SLC4A5: variants seen among roughly 807,000 people sequenced by gnomAD.
The protein encoded by SLC4A5 is solute carrier family 4 member 5.
SLC4A5 carries 96 observed loss-of-function variants against 120.4 expected under a neutral mutation model. The observed-to-expected ratio is 0.80, with a 90% CI of 0.68 to 0.94. The LOEUF (loss-of-function observed/expected upper bound fraction) is 0.94. SLC4A5 is among the 40% of genes least tolerant of loss of function. The pLI is 0.00. For synonymous variants in SLC4A5, 550 were observed against 571.1 expected, an observed-to-expected ratio of 0.96 and a Z score of 0.53; for missense variants, 1,259 against 1,459.5, an observed-to-expected ratio of 0.86 and a Z score of 2.24.
exon 26 of SLC4A5, chr2:74,227,834 G>A (rs180817000): frequency 5.0e-6 from 8 of 1,611,770 alleles, no homozygotes; most frequent in East Asian, 2.2e-5. Context: ...GGGAGGCCAC[G>A]CCCATGTAGA....
chr2:74,264,990 A>C, intron 9 of SLC4A5, 114 bp downstream of exon 9: 1 of 1,206,142 alleles, frequency 8.3e-7, no homozygotes, highest in Admixed American at 2.2e-5. Context: ...TCTCTGCAGA[A>C]TCAGGTGTCA....
At chr2:74,229,103 G>GTTTTTT in intron 25 of SLC4A5, among the ~76,000 whole-genome samples, 1 of 2,582 alleles carries the variant, frequency 3.9e-4, no homozygotes, top group South Asian at 0.014. Context: ...TTAGATTTGA[G>GTTTTTT]CTTTTTTTTT....
At chr2:74,310,813 T>C (rs1327611392) in intron 6 of SLC4A5, among the ~76,000 whole-genome samples, 1 of 152,204 alleles carries the variant, frequency 6.6e-6, no homozygotes, top group Non-Finnish European at 1.5e-5. Flanking sequence ...GCTGACTTCA[T>C]GGGATTAGTT....
chr2:74,227,935 C>G (rs1694909610), intron 25 of SLC4A5, 57 bp from the exon 26 acceptor site: 2 of 1,390,238 alleles, frequency 1.4e-6, no homozygotes, highest in East Asian at 4.9e-5. Flanking sequence ...CTTGGCCACC[C>G]TGTTCTGGAT....
At chr2:74,238,719 A>G (rs941133635) in intron 21 of SLC4A5, among the ~76,000 whole-genome samples, 2 of 152,186 alleles carry the variant, frequency 1.3e-5, no homozygotes, top group Non-Finnish European at 2.9e-5. Flanking sequence ...TTGTAGATCT[A>G]ACATGAAAGG....
At chr2:74,313,398 G>T (rs1024340845) in intron 6 of SLC4A5, among the ~76,000 whole-genome samples, 1 of 152,144 alleles carries the variant, frequency 6.6e-6, no homozygotes, top group Non-Finnish European at 1.5e-5. Flanking sequence ...AGTTGAATAT[G>T]CTTTAGAGAG....
intron 7 of SLC4A5, chr2:74,290,658 AAG>A (rs1030612954): frequency 4.9e-4 from 419 of 849,268 alleles, no homozygotes; most frequent in South Asian, 1.2e-3. Flanking sequence ...AGAAGTGAGC[AAG>A]AGAGAGAGAG....
At position 74,290,835 on chromosome 2, in the gene SLC4A5, T is replaced by G. The variant is rs949711716; in HGVS notation, c.272-4933A>C. On this transcript the variant is annotated intron_variant, in intron 7 of 30. Coordinates refer to ENST00000394019, the Ensembl canonical transcript of SLC4A5. ...AACTGCCCCTTTACCCCCTTCCCCA[T>G]GAGTGCTTCCTATGTGCCTGTGGTC... The G allele has an allele frequency of 1.0e-5, 9 of 868,456 alleles. No homozygotes were observed. In the Admixed American group the frequency reaches 3.1e-4, roughly 30 times the overall value. The allele number at this position is 868,456 out of a possible 1,614,324, so 53.8% of individuals were successfully genotyped here. A position where few individuals can be genotyped will look rare whatever the true frequency, so the allele number is the denominator to read the frequency against.
intron 29 of SLC4A5, among the ~76,000 whole-genome samples, chr2:74,221,768 C>T (rs1476964132): frequency 2.6e-5 from 4 of 152,044 alleles, no homozygotes; most frequent in Admixed American, 2.6e-4. Context: ...AACTCAAGAT[C>T]TTGAGGTACC....
At chr2:74,240,041 T>TTATA (rs142456944) in intron 20 of SLC4A5, among the ~76,000 whole-genome samples, 111 of 145,384 alleles carry the variant, frequency 7.6e-4, no homozygotes, top group East Asian at 2.4e-3. Flanking sequence ...ATATATAAAT[T>TTATA]TATATATATA....
At chr2:74,253,243 A>G (rs1353954465) in intron 14 of SLC4A5, 115 bp from the exon 15 acceptor site, 6 of 1,254,490 alleles carry the variant, frequency 4.8e-6, no homozygotes, top group African/African-American at 1.5e-5. Context: ...CCCACTGCCA[A>G]CTCACTCTCA....
At chr2:74,223,387 G>A (rs1480800150) in intron 28 of SLC4A5, among the ~76,000 whole-genome samples, 1 of 152,168 alleles carries the variant, frequency 6.6e-6, no homozygotes, top group Non-Finnish European at 1.5e-5. Context: ...AAACAGTTAG[G>A]GGATGCTGCA....
chr2:74,264,172 G>A (rs781407756), exon 10 of SLC4A5: 1 of 1,614,110 alleles, frequency 6.2e-7, no homozygotes. Context: ...ACTTCCCAAT[G>A]TCAGCTAAGG....
At chr2:74,229,236 G>A (rs148295120) in intron 25 of SLC4A5, among the ~76,000 whole-genome samples, 134 of 144,148 alleles carry the variant, frequency 9.3e-4, no homozygotes, top group African/African-American at 3.4e-3. Flanking sequence ...ATGCCTGGCC[G>A]ATTCGAAGGT....
At chr2:74,290,443 G>C (rs1202851276) in intron 7 of SLC4A5, 2 of 985,496 alleles carry the variant, frequency 2.0e-6, no homozygotes, top group African/African-American at 3.5e-5. Flanking sequence ...GAAAAAGAGA[G>C]AGAGAAAAGG....
chr2:74,269,740 T>A (rs1671416241), intron 8 of SLC4A5, among the ~76,000 whole-genome samples: 1 of 152,178 alleles, frequency 6.6e-6, no homozygotes, highest in African/African-American at 2.4e-5. Context: ...TGGGGCCAGT[T>A]GAGTGGGTTG....
At chr2:74,225,975 T>G (rs572741557) in intron 27 of SLC4A5, among the ~76,000 whole-genome samples, 1 of 152,044 alleles carries the variant, frequency 6.6e-6, no homozygotes, top group East Asian at 1.9e-4. Flanking sequence ...ACTCAGTAAA[T>G]GCTAATCATG....
exon 24 of SLC4A5, chr2:74,232,627 C>T: frequency 6.2e-7 from 1 of 1,613,212 alleles, no homozygotes; most frequent in Non-Finnish European, 8.5e-7. Context: ...AGAACAGGTC[C>T]AGATGGTAGC....
intron 7 of SLC4A5, among the ~76,000 whole-genome samples, chr2:74,303,940 C>T (rs1306814172): frequency 4.6e-5 from 7 of 151,010 alleles, no homozygotes; most frequent in Non-Finnish European, 8.9e-5. Context: ...AGCTCCGCCT[C>T]CCGGGTTCAC....
Sources: allele counts gnomAD v4.1 joint callset (sites outside exome capture counted in the v4.1 genomes callset), GRCh38; gene constraint gnomAD v4.1.1; transcripts MANE v1.5; gene names NCBI Gene and HGNC (gene_info 2026-07-23, HGNC 2026-07-21).